Variants in KCNU1 observed in about 807,000 individuals in gnomAD.
KCNU1 encodes the protein potassium channel subfamily U member 1.
Under a neutral mutation model 126.8 loss-of-function variants are expected in KCNU1, and 93 were observed. The observed-to-expected ratio is 0.73, with a 90% CI of 0.62 to 0.87. The LOEUF (loss-of-function observed/expected upper bound fraction) is 0.87, where lower values mean the gene tolerates loss of function less well. KCNU1 is among the 40% of genes least tolerant of loss of function. The probability of loss-of-function intolerance (pLI) is 0.00; values close to 1 mark genes in which losing one functional copy is unlikely to be tolerated. For synonymous variants in KCNU1, 523 were observed against 494.2 expected (o/e 1.06, Z -0.77); for missense variants, 1,330 against 1,367.1 (o/e 0.97, Z 0.43).
chr8:36,896,585 T>A (rs1409009446), intron 19 of KCNU1, among the ~76,000 whole-genome samples: 3 of 152,048 alleles, frequency 2.0e-5, no homozygotes, highest in Non-Finnish European at 4.4e-5. Context: ...AATGCGATGA[T>A]CTTTAAGACA....
intron 19 of KCNU1, among the ~76,000 whole-genome samples, chr8:36,889,812 A>G (rs1488720586): frequency 6.6e-6 from 1 of 152,106 alleles, no homozygotes; most frequent in Non-Finnish European, 1.5e-5. Context: ...ATATACAACT[A>G]TGCATATCAT....
chr8:36,787,552 A>T (rs1488455070), intron 2 of KCNU1, 127 bp downstream of exon 2: 1 of 750,372 alleles, frequency 1.3e-6, no homozygotes, highest in East Asian at 3.3e-5. Flanking sequence ...CTATAATATC[A>T]CCACCTCCCC....
intron 7 of KCNU1, among the ~76,000 whole-genome samples, chr8:36,813,541 A>C (rs1803799216): frequency 6.6e-6 from 1 of 150,634 alleles, no homozygotes; most frequent in African/African-American, 2.4e-5. Flanking sequence ...ATATTTATAA[A>C]AAATTTATAT....
chr8:36,895,069 C>A (rs1807130755), intron 19 of KCNU1, among the ~76,000 whole-genome samples: 1 of 151,628 alleles, frequency 6.6e-6, no homozygotes, highest in African/African-American at 2.4e-5. Flanking sequence ...AAGAACTTAA[C>A]AATAGTAAAG....
At position 36,834,956 on chromosome 8, in the gene KCNU1, A is replaced by G. The variant is rs1432607647; in HGVS notation, c.1295+88A>G. 3 of 853,668 alleles carry G rather than the reference A, an allele frequency of 3.5e-6. No homozygotes were observed. The African/African-American group carries it at 5.1e-5, about 15-fold the overall frequency. The allele number at this position is 853,668 out of a possible 1,614,324, so 52.9% of individuals were successfully genotyped here. A position where few individuals can be genotyped will look rare whatever the true frequency, so the allele number is the denominator to read the frequency against. On this transcript the variant is annotated intron_variant, in intron 12 of 26. Coordinates refer to ENST00000399881, the MANE Select transcript of KCNU1 (RefSeq NM_001031836.3). Reference sequence around the variant, plus strand: ...CCGGTACATAAGCATAAAAAGGAGAAAATGTCGTCTATCATATCACTAGGT... The same window carrying G: ...CCGGTACATAAGCATAAAAAGGAGAGAATGTCGTCTATCATATCACTAGGT...
chr8:36,806,638 A>T (rs1803512639), intron 5 of KCNU1, among the ~76,000 whole-genome samples: 1 of 152,148 alleles, frequency 6.6e-6, no homozygotes, highest in Non-Finnish European at 1.5e-5. Context: ...GCAAGACTCC[A>T]ATATCTCATT....
At chr8:36,929,704 A>T (rs1317635617) in intron 24 of KCNU1, among the ~76,000 whole-genome samples, 1 of 152,156 alleles carries the variant, frequency 6.6e-6, no homozygotes, top group Admixed American at 6.6e-5. Flanking sequence ...AGATAGATTA[A>T]CGTGCCCCAG....
intron 16 of KCNU1, among the ~76,000 whole-genome samples, chr8:36,843,516 C>A (rs1390127851): frequency 1.3e-5 from 2 of 152,138 alleles, no homozygotes; most frequent in African/African-American, 4.8e-5. Context: ...GGAAGCTGAA[C>A]CCCAGAAAGT....
chr8:36,838,385 T>C lies in KCNU1; in HGVS notation c.1518+1440T>C, dbSNP rs894779346. Among the ~76,000 whole-genome samples the C allele has an allele frequency of 7.9e-5, 12 of 152,226 alleles. No homozygotes were observed. In the East Asian group the frequency reaches 1.9e-3, roughly 24 times the overall value. On this transcript the variant is annotated intron_variant, in intron 14 of 26. Coordinates refer to ENST00000399881, the MANE Select transcript of KCNU1 (RefSeq NM_001031836.3). ...ACAGGGATGTAAAACCATCCTCTTG[T>C]ATTTTTCTTATTTAAAGAGTTGTGG... is the stretch of plus-strand genomic sequence containing the variant.
At chr8:36,903,431 C>T (rs889040629) in intron 19 of KCNU1, among the ~76,000 whole-genome samples, 6 of 152,124 alleles carry the variant, frequency 3.9e-5, no homozygotes, top group African/African-American at 1.2e-4. Flanking sequence ...TTATCAGTTA[C>T]ATCTGAGATG....
chr8:36,908,800 A>G (rs1807741984), intron 20 of KCNU1, among the ~76,000 whole-genome samples: 1 of 147,098 alleles, frequency 6.8e-6, no homozygotes, highest in Admixed American at 6.7e-5. Context: ...TTTGACCCAT[A>G]AAAAGGTAAA....
chr8:36,791,603 T>G (rs10094164), intron 2 of KCNU1, among the ~76,000 whole-genome samples: 41,640 of 152,006 alleles, frequency 0.27, 7,120 homozygotes, highest in African/African-American at 0.46. Flanking sequence ...AACAACAGTT[T>G]TCAACCTTAG....
rs1356506541 is a variant in KCNU1, at chr8:36,807,427, A to G, written c.633A>G (p.Gln211=). ...LRLLELPQIL[Q]ILRAIKTSNS... The stretch of plus-strand genomic sequence containing the variant: ...TGCTAGAACTCCCTCAAATCTTGCA[A>G]ATTCTACGAGCCATCAAGACCAGGT... The change falls in exon 6 of 27, where the codon CAA becomes CAG. Residue 211 remains glutamine, a synonymous_variant. Coordinates refer to ENST00000399881, the MANE Select transcript of KCNU1 (RefSeq NM_001031836.3). 2 of 1,613,272 alleles carry G rather than the reference A, an allele frequency of 1.2e-6. No individual in the cohort carries two copies. Among genetic ancestry groups the G allele is most frequent in the Non-Finnish European group, 1.7e-6 (2 of 1,179,344 alleles).
At chr8:36,888,513 A>G in intron 19 of KCNU1, 1 of 529,480 alleles carries the variant, frequency 1.9e-6, no homozygotes, top group Non-Finnish European at 3.9e-6. Context: ...AGCCACAATG[A>G]GATGTTCTCT....
At chr8:36,787,553 C>T (rs1802752559) in intron 2 of KCNU1, 128 bp downstream of exon 2, 1 of 732,814 alleles carries the variant, frequency 1.4e-6, no homozygotes. Context: ...TATAATATCA[C>T]CACCTCCCCA....
rs377452617 is a variant in KCNU1, at chr8:36,935,593, T to G, written c.3123T>G (p.Thr1041=). ...TGTTTTGTGCCATACCCTTCAGCACTGCTTGTTATAAAAGGAATGAAGAGT... is the reference window on the plus strand; with the variant it reads ...TGTTTTGTGCCATACCCTTCAGCACGGCTTGTTATAAAAGGAATGAAGAGT... ...DLVFCAIPFS[T]ACYKRNEEFS... is the part of the protein sequence containing the mutation. Residue 1041 remains threonine (T), a synonymous_variant, in exon 27 of 27, where the codon ACT becomes ACG. Coordinates refer to ENST00000399881, the MANE Select transcript of KCNU1 (RefSeq NM_001031836.3). 7 of 1,613,256 alleles carry G rather than the reference T, an allele frequency of 4.3e-6. No homozygotes were observed. Among genetic ancestry groups the G allele is most frequent in the Non-Finnish European group, 5.9e-6 (7 of 1,179,468 alleles).
intron 22 of KCNU1, among the ~76,000 whole-genome samples, chr8:36,918,607 C>T (rs1554518139): frequency 6.6e-6 from 1 of 151,792 alleles, no homozygotes; most frequent in Non-Finnish European, 1.5e-5. Context: ...ACCACACACA[C>T]ACACATACAC....
chr8:36,839,796 G>T (rs1804884329), intron 14 of KCNU1, among the ~76,000 whole-genome samples: 1 of 152,176 alleles, frequency 6.6e-6, no homozygotes, highest in Admixed American at 6.5e-5. Flanking sequence ...GCAGTAGGTG[G>T]AGAAGGATGA....
At chr8:36,908,917 T>C (rs1807747508) in intron 20 of KCNU1, among the ~76,000 whole-genome samples, 1 of 152,174 alleles carries the variant, frequency 6.6e-6, no homozygotes, top group African/African-American at 2.4e-5. Flanking sequence ...TAGCATTGAA[T>C]CTGGAATGTC....
Sources: allele counts gnomAD v4.1 joint callset (sites outside exome capture counted in the v4.1 genomes callset), GRCh38; gene constraint gnomAD v4.1.1; transcripts MANE v1.5; gene names NCBI Gene and HGNC (gene_info 2026-07-23, HGNC 2026-07-21).